Variants in DYNC2H1 observed in about 807,000 individuals in gnomAD.
DYNC2H1 encodes dynein cytoplasmic 2 heavy chain 1.
DYNC2H1 carries 410 observed loss-of-function variants against 570.0 expected under a neutral mutation model. The observed-to-expected ratio is 0.72, with a 90% CI of 0.66 to 0.78. The LOEUF (loss-of-function observed/expected upper bound fraction) is 0.78, where lower values mean the gene tolerates loss of function less well. DYNC2H1 is among the 30% of genes least tolerant of loss of function. The probability of loss-of-function intolerance (pLI) is 0.00; values close to 1 mark genes in which losing one functional copy is unlikely to be tolerated. For missense variants in DYNC2H1, 4,865 were observed against 5,046.4 expected (o/e 0.96, Z 1.09); for synonymous variants, 1,688 against 1,677.6 (o/e 1.01, Z -0.15).
chr11:103,121,038 TA>T lies in DYNC2H1; in HGVS notation c.1360+6del. 6.6e-7 allele frequency: 1 copy of T among 1,521,348 alleles called. No homozygotes were observed. 94.2% of individuals were successfully genotyped at this position (1,521,348 alleles called of 1,614,324 possible). A position where few individuals can be genotyped will look rare whatever the true frequency, so the allele number is the denominator to read the frequency against. ...CAAGACTTGTGGACTCAATTAAAGG[TA>T]AAAGTTTATGAGATTATAGTGTTTG... On this transcript the variant is annotated splice_donor_region_variant and intron_variant, in intron 9 of 88. Transcript: ENST00000375735.
intron 87 of DYNC2H1, among the ~76,000 whole-genome samples, chr11:103,459,083 G>A (rs1944901319): frequency 6.6e-6 from 1 of 151,444 alleles, no homozygotes; most frequent in Non-Finnish European, 1.5e-5. Context: ...GCCGAGGCGG[G>A]CGGATCACGA....
chr11:103,468,488 G>T, intron 87 of DYNC2H1, 101 bp from the exon 88 acceptor site: 2 of 736,808 alleles, frequency 2.7e-6, no homozygotes, highest in Admixed American at 2.5e-5. Flanking sequence ...TTTGGAATCG[G>T]TGAACACAAT....
intron 83 of DYNC2H1, among the ~76,000 whole-genome samples, chr11:103,389,898 A>C: frequency 6.6e-6 from 1 of 152,074 alleles, no homozygotes. Context: ...ATATTCGCTG[A>C]GGAGTGCTTT....
chr11:103,478,064 T>TA (rs1555143745), intron 88 of DYNC2H1, among the ~76,000 whole-genome samples: 6 of 151,870 alleles, frequency 4.0e-5, no homozygotes, highest in Non-Finnish European at 8.8e-5. Flanking sequence ...CTTAAAAAGT[T>TA]CCCCTGAGCG....
At chr11:103,318,948 TG>T (rs1409100516) in intron 80 of DYNC2H1, among the ~76,000 whole-genome samples, 1 of 152,160 alleles carries the variant, frequency 6.6e-6, no homozygotes, top group African/African-American at 2.4e-5. Flanking sequence ...CGTGAACTGT[TG>T]TTTTTAATAT....
At chr11:103,333,704 T>G (rs1565503233) in intron 82 of DYNC2H1, among the ~76,000 whole-genome samples, 1 of 152,210 alleles carries the variant, frequency 6.6e-6, no homozygotes, top group Non-Finnish European at 1.5e-5. Flanking sequence ...ATTTTACCAA[T>G]AAGTTGTTTC....
At position 103,262,603 on chromosome 11, in the gene DYNC2H1, GC is replaced by G. The variant is rs367688261; in HGVS notation, c.10695+2627del. Among the ~76,000 whole-genome samples, 11 of 152,200 alleles carry G rather than the reference GC, an allele frequency of 7.2e-5. No individual in the cohort carries two copies. In the East Asian group the frequency reaches 2.1e-3, roughly 29 times the overall value. On this transcript the variant is annotated intron_variant, in intron 70 of 88. Coordinates refer to ENST00000375735, the MANE Select transcript of DYNC2H1 (RefSeq NM_001377.3). ...ATAATTTCATATCTCACCAAACTAAGCTTCATAAGTGAAGGAGAAATAAAAT... is the reference window on the plus strand; with the variant it reads ...ATAATTTCATATCTCACCAAACTAAGTTCATAAGTGAAGGAGAAATAAAAT...
At chr11:103,287,834 A>G (rs1866409580) in intron 75 of DYNC2H1, 2 of 415,614 alleles carry the variant, frequency 4.8e-6, no homozygotes, top group South Asian at 5.4e-5. Context: ...GCCTAGACAG[A>G]GCTGATTTAG....
At chr11:103,356,658 A>T (rs1029621147) in intron 82 of DYNC2H1, among the ~76,000 whole-genome samples, 1 of 152,226 alleles carries the variant, frequency 6.6e-6, no homozygotes, top group Admixed American at 6.5e-5. Flanking sequence ...TGTAGGGTTC[A>T]GCTAGAGCAA....
chr11:103,200,215 AAATTATCTTGT>A (rs1163865410), intron 50 of DYNC2H1, 61 bp downstream of exon 50: 1 of 1,267,870 alleles, frequency 7.9e-7, no homozygotes, highest in Non-Finnish European at 1.1e-6. Context: ...TATCCAAGTA[AAATTATCTTGT>A]GCAAAATTTA....
chr11:103,266,273 G>T (rs527452724), intron 70 of DYNC2H1, among the ~76,000 whole-genome samples: 119 of 152,212 alleles, frequency 7.8e-4, no homozygotes, highest in African/African-American at 2.7e-3. Flanking sequence ...TTAACCAGGT[G>T]GGGGAGGCAG....
chr11:103,297,704 T>G (rs1388844506), intron 75 of DYNC2H1, among the ~76,000 whole-genome samples: 1 of 152,162 alleles, frequency 6.6e-6, no homozygotes, highest in Non-Finnish European at 1.5e-5. Context: ...AAAGTCATTA[T>G]GCAGCTCATG....
intron 88 of DYNC2H1, among the ~76,000 whole-genome samples, chr11:103,478,116 G>C (rs950903049): frequency 1.4e-4 from 21 of 152,076 alleles, no homozygotes; most frequent in African/African-American, 5.1e-4. Context: ...CGATTGCATT[G>C]CATTAAAGCA....
chr11:103,438,341 A>G (rs1204572134), intron 85 of DYNC2H1, among the ~76,000 whole-genome samples: 1 of 152,088 alleles, frequency 6.6e-6, no homozygotes, highest in African/African-American at 2.4e-5. Context: ...CTGTTTCACA[A>G]GTACATATCC....
At chr11:103,452,741 T>C (rs895124219) in intron 85 of DYNC2H1, among the ~76,000 whole-genome samples, 23 of 152,032 alleles carry the variant, frequency 1.5e-4, no homozygotes, top group Non-Finnish European at 5.9e-5. Context: ...ATTTCTTACA[T>C]AGTTTTCCAC....
intron 79 of DYNC2H1, among the ~76,000 whole-genome samples, chr11:103,312,628 G>C (rs1244393111): frequency 2.7e-5 from 4 of 150,260 alleles, no homozygotes; most frequent in Non-Finnish European, 5.9e-5. Context: ...TAGTAATTTG[G>C]CTCATGACTT....
At chr11:103,423,645 T>A (rs1943568279) in intron 84 of DYNC2H1, among the ~76,000 whole-genome samples, 1 of 151,770 alleles carries the variant, frequency 6.6e-6, no homozygotes, top group African/African-American at 2.4e-5. Flanking sequence ...CTTATAAAAA[T>A]GAAAAGCAAG....
intron 70 of DYNC2H1, among the ~76,000 whole-genome samples, chr11:103,276,998 A>G (rs1018381457): frequency 1.3e-5 from 2 of 152,142 alleles, no homozygotes; most frequent in African/African-American, 4.8e-5. Context: ...TATACCAGGT[A>G]TTTTATAAAG....
In DYNC2H1 at chr11:103,245,455, G is replaced by C; in HGVS notation, c.10042+81G>C. 5 of 1,411,160 alleles carry C rather than the reference G, an allele frequency of 3.5e-6. No homozygotes were observed. Among genetic ancestry groups the C allele is most frequent in the Non-Finnish European group, 4.8e-6 (5 of 1,052,478 alleles). 87.4% of individuals were successfully genotyped at this position (1,411,160 alleles called of 1,614,324 possible). Reference sequence around the variant, plus strand: ...AATTAAACCAGGTGCAAGCTTTCAAGAGTCCTCTTCCAGTGGAGTCACACA... The same window carrying C: ...AATTAAACCAGGTGCAAGCTTTCAACAGTCCTCTTCCAGTGGAGTCACACA... On this transcript the variant is annotated intron_variant, in intron 65 of 88. Transcript: ENST00000375735. The surrounding 1 kb of genome is among the most constrained non-coding windows in gnomAD (Gnocchi z 4.5).
Sources: gnomAD v4.1 joint callset for allele counts (sites outside exome capture counted in the v4.1 genomes callset) on GRCh38, gnomAD v4.1.1 for gene constraint, Gnocchi (gnomAD v3.1) non-coding constraint, MANE v1.5 for transcripts, NCBI Gene and HGNC (gene_info 2026-07-23, HGNC 2026-07-21) for gene names.